The following FAM76B variants were observed in gnomAD, a reference collection of about 807,000 sequenced individuals.
FAM76B encodes protein FAM76B.
In FAM76B, 16 loss-of-function variants were observed where a neutral mutation model predicts 51.8. That is an observed-to-expected ratio of 0.31 (90% CI 0.21 to 0.47). The LOEUF (loss-of-function observed/expected upper bound fraction) is 0.47, where lower values mean the gene tolerates loss of function less well. Among genes scored for constraint, FAM76B ranks in the 20% least tolerant of loss-of-function variants. The pLI is 1.00. For synonymous variants in FAM76B, 166 were observed against 129.5 expected, an observed-to-expected ratio of 1.28 and a Z score of -1.91; for missense variants, 342 against 392.6, an observed-to-expected ratio of 0.87 and a Z score of 1.09.
intron 9 of FAM76B, among the ~76,000 whole-genome samples, chr11:95,774,845 A>C (rs536303697): frequency 7.3e-5 from 11 of 151,422 alleles, no homozygotes; most frequent in Admixed American, 4.0e-4. Context: ...CTTTTTCAAC[A>C]GTCTTTGTAA....
chr11:95,784,022 G>C (rs1860418834), intron 4 of FAM76B, among the ~76,000 whole-genome samples: 1 of 152,172 alleles, frequency 6.6e-6, no homozygotes, highest in Non-Finnish European at 1.5e-5. Context: ...AAATGGCAAA[G>C]ACATGGAATC....
At chr11:95,784,297 G>A (rs970276598) in intron 4 of FAM76B, among the ~76,000 whole-genome samples, 3 of 151,960 alleles carry the variant, frequency 2.0e-5, no homozygotes, top group Admixed American at 6.6e-5. Context: ...GATGGTGGAG[G>A]GTAGAAGAGG....
chr11:95,772,446 CTT>C (rs1859809331), intron 9 of FAM76B, among the ~76,000 whole-genome samples: 3 of 151,256 alleles, frequency 2.0e-5, no homozygotes, highest in Admixed American at 1.3e-4. Flanking sequence ...TTTTGACTGC[CTT>C]TGTCACCTTA....
At chr11:95,776,836 T>C (rs533617337) in intron 8 of FAM76B, among the ~76,000 whole-genome samples, 4 of 151,390 alleles carry the variant, frequency 2.6e-5, no homozygotes, top group African/African-American at 7.2e-5. Flanking sequence ...CTTTAAAGGT[T>C]TACACATTCT....
At chr11:95,789,321 C>T (rs1033875564) in intron 1 of FAM76B, 71 bp downstream of exon 1, 196 of 1,489,102 alleles carry the variant, frequency 1.3e-4, no homozygotes, top group Non-Finnish European at 1.7e-4. Context: ...GGCTGCAGTG[C>T]AGCGGCTACC....
At chr11:95,783,721 C>T (rs117179784) in intron 4 of FAM76B, among the ~76,000 whole-genome samples, 2,730 of 152,248 alleles carry the variant, frequency 0.018, 43 homozygotes, top group South Asian at 0.064. Context: ...ATTTCCTATT[C>T]GTGTATTTGC....
At chr11:95,788,937 G>A in intron 1 of FAM76B, 1 of 1,348,976 alleles carries the variant, frequency 7.4e-7, no homozygotes, top group Non-Finnish European at 9.7e-7. Context: ...CAAACCAGTC[G>A]CTTCGCTTTC....
intron 1 of FAM76B, chr11:95,788,788 G>A (rs939270123): frequency 1.4e-5 from 20 of 1,477,530 alleles, no homozygotes; most frequent in South Asian, 1.2e-4. Context: ...GTATATTACA[G>A]ACAAATTAAG....
At chr11:95,779,580 C>T (rs766079577) in intron 7 of FAM76B, 27 bp downstream of exon 7, 28 of 1,573,044 alleles carry the variant, frequency 1.8e-5, no homozygotes, top group Admixed American at 9.3e-5. Context: ...GTTGAATTTT[C>T]ATAACACTAA....
chr11:95,773,344 G>A (rs1859853208), intron 9 of FAM76B, among the ~76,000 whole-genome samples: 1 of 148,664 alleles, frequency 6.7e-6, no homozygotes, highest in African/African-American at 2.5e-5. Context: ...CAATTGTTAA[G>A]TACAAGTCCA....
Position 95,788,982 on chromosome 11 carries a change from G to A in FAM76B, c.87+410C>T, listed in dbSNP as rs990297354. 3.0e-6 allele frequency: 4 copies of A among 1,350,424 alleles called. No homozygotes were observed. In the African/African-American group the frequency reaches 4.4e-5, roughly 15 times the overall value. 83.7% of individuals were successfully genotyped at this position (1,350,424 alleles called of 1,614,324 possible). A position where few individuals can be genotyped will look rare whatever the true frequency, so the allele number is the denominator to read the frequency against. Reference sequence around the variant, plus strand: ...GAAGAAGGATGCCATCAGCTTTGCGGCTTCGGGTTCCTAGCAAGAAAGTGC... The same window carrying A: ...GAAGAAGGATGCCATCAGCTTTGCGACTTCGGGTTCCTAGCAAGAAAGTGC... On this transcript the variant is annotated intron_variant, in intron 1 of 9. Coordinates refer to ENST00000358780, the MANE Select transcript of FAM76B (RefSeq NM_144664.5).
At chr11:95,783,553 A>G (rs111534531) in intron 4 of FAM76B, among the ~76,000 whole-genome samples, 5,949 of 152,346 alleles carry the variant, frequency 0.039, 178 homozygotes, top group South Asian at 0.091. Flanking sequence ...TTCCAGGAGA[A>G]TAAGCATAAA....
chr11:95,769,547 A>T lies in FAM76B; in HGVS notation c.*2014T>A, dbSNP rs1859678485. ...TTAATTTTGATGTTAGCTAAGGGGA[A>T]GGACGAGGACAACTTTCTTTTGTAG... On this transcript the variant is annotated 3_prime_UTR_variant, in exon 10 of 10. Coordinates refer to ENST00000358780, the MANE Select transcript of FAM76B (RefSeq NM_144664.5). 1 of 152,110 alleles carries T rather than the reference A, an allele frequency of 6.6e-6. No individual in the cohort carries two copies. The highest frequency in any genetic ancestry group is 1.5e-5 in the Non-Finnish European group (1 of 67,774). The allele number at this position is 152,110 out of a possible 1,614,324, so 9.4% of individuals were successfully genotyped here.
intron 4 of FAM76B, among the ~76,000 whole-genome samples, chr11:95,784,493 A>AT (rs1860444707): frequency 6.6e-6 from 1 of 152,062 alleles, no homozygotes; most frequent in African/African-American, 2.4e-5. Context: ...TGTGTGTTAC[A>AT]TAAGTTATGT....
At chr11:95,784,049 G>C (rs759525313) in intron 4 of FAM76B, among the ~76,000 whole-genome samples, 2 of 152,162 alleles carry the variant, frequency 1.3e-5, no homozygotes, top group African/African-American at 2.4e-5. Flanking sequence ...AATGCCCATC[G>C]TTAGTAGACT....
intron 9 of FAM76B, among the ~76,000 whole-genome samples, chr11:95,772,027 T>A (rs1389254233): frequency 6.6e-6 from 1 of 151,106 alleles, no homozygotes; most frequent in East Asian, 1.9e-4. Context: ...AATTTACAAT[T>A]AATAAAATCA....
Position 95,771,573 on chromosome 11 carries a change from T to C in FAM76B, c.1008A>G (p.Leu336=), listed in dbSNP as rs373243898. Residue 336 remains leucine (L), a synonymous_variant, in exon 10 of 10, where the codon CTA becomes CTG. Coordinates refer to ENST00000358780, the MANE Select transcript of FAM76B (RefSeq NM_144664.5). ...ACAAATGACTTTCTCAAGGAGATGTTAGTATGCTTCCACTTTTGTCAAATT... is the reference window on the plus strand; with the variant it reads ...ACAAATGACTTTCTCAAGGAGATGTCAGTATGCTTCCACTTTTGTCAAATT... The part of the protein sequence containing the change: ...GKKFDKSGSI[L]TSP 2.5e-6 allele frequency: 4 copies of C among 1,605,808 alleles called. No individual in the cohort carries two copies. The highest frequency in any genetic ancestry group is 3.4e-5 in the Admixed American group (2 of 59,652).
chr11:95,776,654 G>T (rs970536046), intron 8 of FAM76B, among the ~76,000 whole-genome samples: 1 of 151,022 alleles, frequency 6.6e-6, no homozygotes, highest in Non-Finnish European at 1.5e-5. Context: ...ACAAATACAA[G>T]AAAAAAATCA....
intron 9 of FAM76B, among the ~76,000 whole-genome samples, chr11:95,772,273 G>A (rs928674577): frequency 6.6e-6 from 1 of 150,876 alleles, no homozygotes; most frequent in African/African-American, 2.4e-5. Context: ...ATTTTAGTGT[G>A]GTTTGAGCAG....
Sources: gnomAD v4.1 joint callset for allele counts (sites outside exome capture counted in the v4.1 genomes callset) on GRCh38, gnomAD v4.1.1 for gene constraint, MANE v1.5 for transcripts, NCBI Gene and HGNC (gene_info 2026-07-23, HGNC 2026-07-21) for gene names.